DMRTA2: variants seen among roughly 807,000 people sequenced by gnomAD.
The protein encoded by DMRTA2 is DMRT like family A2, also known as doublesex- and mab-3-related transcription factor A2.
In DMRTA2, 10 loss-of-function variants were observed where a neutral mutation model predicts 29.7. The ratio of observed to expected loss-of-function variants is 0.34; its 90% CI spans 0.21 to 0.57. DMRTA2 has a LOEUF of 0.57. DMRTA2 is among the 20% of genes least tolerant of loss of function. The probability of loss-of-function intolerance (pLI) is 0.87; values close to 1 mark genes in which losing one functional copy is unlikely to be tolerated. For synonymous variants in DMRTA2, 469 were observed against 402.6 expected (o/e 1.16, Z -1.97); for missense variants, 783 against 812.1 (o/e 0.96, Z 0.44).
Position 50,419,594 on chromosome 1 carries a change from G to T in DMRTA2, c.700C>A (p.Arg234=). ...SGPGTSSPEV[R]PGSGSENGDG... ...CCGTTCTCCGAGCCTGAGCCGGGCC[G>T]CACCTCTGGGGACGACGTCCCGGGC... Residue 234 remains arginine (R), a synonymous_variant, in exon 3 of 3, where the codon CGG becomes AGG. Transcript: ENST00000404795. The surrounding 1 kb of genome is among the most constrained non-coding windows in gnomAD (Gnocchi z 6.1). 6.5e-7 allele frequency: 1 copy of T among 1,550,050 alleles called. No homozygotes were observed. The highest frequency in any genetic ancestry group is 8.7e-7 in the Non-Finnish European group (1 of 1,149,282).
chr1:50,418,865 T>C lies in DMRTA2; in HGVS notation c.1429A>G (p.Ser477Gly), dbSNP rs754709446. ...GGCGCCATGAAGGCCAGACCGCGGCTGTGCGCCGCCGCCGCGGAGTAGGCC... is the reference window on the plus strand; with the variant it reads ...GGCGCCATGAAGGCCAGACCGCGGCCGTGCGCCGCCGCCGCGGAGTAGGCC... ...RLAYSAAAAH[S>G]RGLAFMAPYS... The change falls in exon 3 of 3, where the codon AGC becomes GGC. Residue 477 changes from serine to glycine, a missense_variant. Ser to Gly is a moderately conservative substitution (Grantham distance 56). This residue lies in a region of DMRTA2 where 667 missense variants were observed against 624.8 expected (regional missense o/e 1.07). Transcript: ENST00000404795. The C allele has an allele frequency of 9.8e-6, 15 of 1,537,618 alleles. No individual in the cohort carries two copies. Among genetic ancestry groups the C allele is most frequent in the Admixed American group, 2.1e-5 (1 of 47,298 alleles).
rs764584063 is a variant in DMRTA2 at position 50,419,217 on chromosome 1, C to T, written c.1077G>A (p.Ala359=). The T allele has an allele frequency of 3.4e-6, 5 of 1,476,762 alleles. No individual in the cohort carries two copies. Among genetic ancestry groups the T allele is most frequent in the Non-Finnish European group, 4.5e-6 (5 of 1,122,128 alleles). 91.5% of individuals were successfully genotyped at this position (1,476,762 alleles called of 1,614,324 possible). ...GGGGCGCCGCAGGGCCCAGGCCGGC[C>T]GCCAGGCCCCCACGGTGGTGGTTCA... ...QVLNHHRGGL[A]AGLGPAAPPD... is the part of the protein sequence containing the mutation. The change falls in exon 3 of 3, where the codon GCG becomes GCA. Residue 359 remains alanine (A), a synonymous_variant. Coordinates refer to ENST00000404795, the MANE Select transcript of DMRTA2 (RefSeq NM_032110.3). This position sits in a 1 kb window ranked among gnomAD's most constrained non-coding sequence, Gnocchi z 6.1.
rs1255161869 is a variant in DMRTA2, at chr1:50,421,205, G to A, written c.332C>T (p.Ala111Val). 2.0e-6 allele frequency: 3 copies of A among 1,536,948 alleles called. No individual in the cohort carries two copies. The highest frequency in any genetic ancestry group is 2.6e-6 in the Non-Finnish European group (3 of 1,141,484). ...LIAERQRVMA[A>V]QVALRRQQAQ... ...CTGCTGCCTGCGCAGCGCCACCTGCGCCGCCATGACACGCTGGCGCTCCGC... is the reference window on the plus strand; with the variant it reads ...CTGCTGCCTGCGCAGCGCCACCTGCACCGCCATGACACGCTGGCGCTCCGC... The change falls in exon 2 of 3, where the codon GCG becomes GTG. Residue 111 changes from alanine (A) to valine (V), a missense_variant. Physicochemically the swap from Ala to Val is moderately conservative, Grantham distance 64 (BLOSUM62 0). This residue lies in a region of DMRTA2 where 76 missense variants were observed against 152.6 expected (regional missense o/e 0.50). Transcript: ENST00000404795. This position sits in a 1 kb window ranked among gnomAD's most constrained non-coding sequence, Gnocchi z 8.7.
rs1646040581 is a variant in DMRTA2 at position 50,421,744 on chromosome 1, A to G, written c.-8-200T>C. 5 of 462,256 alleles carry G rather than the reference A, an allele frequency of 1.1e-5. No individual in the cohort carries two copies. The highest frequency in any genetic ancestry group is 1.7e-5 in the Non-Finnish European group (5 of 295,820). The allele number at this position is 462,256 out of a possible 1,614,324, so 28.6% of individuals were successfully genotyped here. ...CTAGCACCTTCACCCCAGTCTGGCC[A>G]TGGCTGCTCTTAGACCTGATATACA... On this transcript the variant is annotated intron_variant, in intron 1 of 2. Transcript: ENST00000404795. This position sits in a 1 kb window ranked among gnomAD's most constrained non-coding sequence, Gnocchi z 8.7.
At position 50,419,124 on chromosome 1, in the gene DMRTA2, GGCGGCGTCGAC is replaced by G; in HGVS notation, c.1159_1169del (p.Val387ArgfsTer116). 5.0e-6 allele frequency: 6 copies of G among 1,199,606 alleles called. No individual in the cohort carries two copies. Among genetic ancestry groups the G allele is most frequent in the East Asian group, 3.6e-5 (1 of 28,056 alleles). 74.3% of individuals were successfully genotyped at this position (1,199,606 alleles called of 1,614,324 possible). ...CCCCGGCGGCGGCGGCGGCGGCGGC[GGCGGCGTCGAC>G]GCGGCTGGGCCACGCGTCGTCTGCA... is the stretch of plus-strand genomic sequence containing the variant. On this transcript the variant is annotated frameshift_variant, in exon 3 of 3. Coordinates refer to ENST00000404795, the MANE Select transcript of DMRTA2 (RefSeq NM_032110.3). LOFTEE classifies it high-confidence loss of function. This position sits in a 1 kb window ranked among gnomAD's most constrained non-coding sequence, Gnocchi z 6.1.
Position 50,419,373 on chromosome 1 carries a change from T to C in DMRTA2, c.921A>G (p.Gly307=). The C allele has an allele frequency of 6.3e-7, 1 of 1,596,748 alleles. No individual in the cohort carries two copies. The highest frequency in any genetic ancestry group is 1.1e-5 in the South Asian group (1 of 90,700). ...GCGTCCGCTGCCGTGGACCCGAGCC[T>C]CCGCCCAGCCCTGGCGCCGGCGCGG... ...GEAAPAPGLG[G]GSGPRQRTPL... is the part of the protein sequence containing the mutation. Residue 307 remains glycine, a synonymous_variant, in exon 3 of 3, where the codon GGA becomes GGG. Coordinates refer to ENST00000404795, the MANE Select transcript of DMRTA2 (RefSeq NM_032110.3). The surrounding 1 kb of genome is among the most constrained non-coding windows in gnomAD (Gnocchi z 6.1).
chr1:50,418,426 AGG>A lies in DMRTA2; in HGVS notation c.*237_*238del. ...GAGGCTGGAAGAGGGATCCGGAGGTAGGAGATGAGGACCCAGGCCGCGCACCC... is the reference window on the plus strand; with the variant it reads ...GAGGCTGGAAGAGGGATCCGGAGGTAAGATGAGGACCCAGGCCGCGCACCC... On this transcript the variant is annotated 3_prime_UTR_variant, in exon 3 of 3. Coordinates refer to ENST00000404795, the MANE Select transcript of DMRTA2 (RefSeq NM_032110.3). 1 of 370,306 alleles carries A rather than the reference AGG, an allele frequency of 2.7e-6. No individual in the cohort carries two copies. The highest frequency in any genetic ancestry group is 4.8e-6 in the Non-Finnish European group (1 of 208,706). 22.9% of individuals were successfully genotyped at this position (370,306 alleles called of 1,614,324 possible). A position where few individuals can be genotyped will look rare whatever the true frequency, so the allele number is the denominator to read the frequency against.
In DMRTA2 at chr1:50,418,766, G is replaced by A. The variant is rs1176603348; in HGVS notation, c.1528C>T (p.Arg510Cys). The A allele has an allele frequency of 6.9e-6, 11 of 1,583,438 alleles. No homozygotes were observed. The highest frequency in any genetic ancestry group is 9.4e-6 in the Non-Finnish European group (11 of 1,168,058). The stretch of plus-strand genomic sequence containing the variant: ...GCAGCAGCGGCGGCCGAGCGGTCAC[G>A]CATGAGATCGCTAAAGGCGTAGTCC... The part of the protein sequence containing the change: ...PMDYAFSDLM[R>C]DRSAAAAAAV... The change falls in exon 3 of 3, where the codon CGT becomes TGT. Residue 510 changes from arginine to cysteine, a missense_variant. Arg to Cys is a radical substitution (Grantham distance 180). Transcript: ENST00000404795.
chr1:50,421,126 C>G lies in DMRTA2; in HGVS notation c.411G>C (p.Glu137Asp). 1 of 1,528,620 alleles carries G rather than the reference C, an allele frequency of 6.5e-7. No homozygotes were observed. The highest frequency in any genetic ancestry group is 1.8e-4 in the Middle Eastern group (1 of 5,578). 94.7% of individuals were successfully genotyped at this position (1,528,620 alleles called of 1,614,324 possible). ...CGTTGGCGGCGGCCAGCGCCAGCCC[C>G]TCGGCAGTGCCGTAGAGCAGCTGCA... ...RELQLLYGTA[E>D]GLALAAANGI... Residue 137 changes from glutamate to aspartate, a missense_variant, in exon 2 of 3, where the codon GAG (glutamate) becomes GAC (aspartate). By Grantham distance (45) the Glu-to-Asp change is conservative. This residue lies in a region of DMRTA2 where 667 missense variants were observed against 624.8 expected (regional missense o/e 1.07). Coordinates refer to ENST00000404795, the MANE Select transcript of DMRTA2 (RefSeq NM_032110.3). This position sits in a 1 kb window ranked among gnomAD's most constrained non-coding sequence, Gnocchi z 8.7.
chr1:50,419,028 G>A lies in DMRTA2; in HGVS notation c.1266C>T (p.Gly422=). 18 of 1,388,486 alleles carry A rather than the reference G, an allele frequency of 1.3e-5. No homozygotes were observed. The highest frequency in any genetic ancestry group is 1.7e-5 in the Non-Finnish European group (18 of 1,077,196). 86.0% of individuals were successfully genotyped at this position (1,388,486 alleles called of 1,614,324 possible). A position where few individuals can be genotyped will look rare whatever the true frequency, so the allele number is the denominator to read the frequency against. The change falls in exon 3 of 3, where the codon GGC becomes GGT. Residue 422 remains glycine (G), a synonymous_variant. Coordinates refer to ENST00000404795, the MANE Select transcript of DMRTA2 (RefSeq NM_032110.3). This position sits in a 1 kb window ranked among gnomAD's most constrained non-coding sequence, Gnocchi z 6.1. ...APPHHRPLLA[G]AMAPGALGSL... is the part of the protein sequence containing the mutation. ...AGCCCAGCGCCCCAGGCGCCATGGC[G>A]CCGGCCAGCAAGGGTCTGTGGTGCG... is the stretch of plus-strand genomic sequence containing the variant.
rs1223851067 is a variant in DMRTA2, at chr1:50,421,522, C to T, written c.15G>A (p.Ser5=). ...CCGCGCCGGGCACGCTGGGCAGCTC[C>T]GAGCGCAGCTCCATGACAGGACCTG... MELR[S]ELPSVPGAAT... Residue 5 remains serine, a synonymous_variant, in exon 2 of 3, where the codon TCG becomes TCA. Coordinates refer to ENST00000404795, the MANE Select transcript of DMRTA2 (RefSeq NM_032110.3). This position sits in a 1 kb window ranked among gnomAD's most constrained non-coding sequence, Gnocchi z 8.7. 4.0e-6 allele frequency: 5 copies of T among 1,262,070 alleles called. No individual in the cohort carries two copies. The African/African-American group carries it at 6.2e-5, about 16-fold the overall frequency. 78.2% of individuals were successfully genotyped at this position (1,262,070 alleles called of 1,614,324 possible).
At position 50,418,696 on chromosome 1, in the gene DMRTA2, G is replaced by T; in HGVS notation, c.1598C>A (p.Pro533His). Residue 533 changes from proline to histidine, a missense_variant, in exon 3 of 3, where the codon CCT becomes CAT. Transcript: ENST00000404795. ...EPTYGGGLYG[P>H]MVNGAPEKQ Reference sequence around the variant, plus strand: ...CTTCTCCGGAGCGCCGTTGACCATAGGCCCGTACAGGCCGCCGCCGTAGGT... The same window carrying T: ...CTTCTCCGGAGCGCCGTTGACCATATGCCCGTACAGGCCGCCGCCGTAGGT... 6.8e-7 allele frequency: 1 copy of T among 1,481,342 alleles called. No individual in the cohort carries two copies. The highest frequency in any genetic ancestry group is 1.5e-5 in the African/African-American group (1 of 68,008). The allele number at this position is 1,481,342 out of a possible 1,614,324, so 91.8% of individuals were successfully genotyped here. A position where few individuals can be genotyped will look rare whatever the true frequency, so the allele number is the denominator to read the frequency against.
rs1646003482 is a variant in DMRTA2, at chr1:50,418,374, C to A, written c.*291G>T. 3 of 306,202 alleles carry A rather than the reference C, an allele frequency of 9.8e-6. No individual in the cohort carries two copies. The South Asian group carries it at 4.8e-4, about 49-fold the overall frequency. The allele number at this position is 306,202 out of a possible 1,614,324, so 19.0% of individuals were successfully genotyped here. ...CGCAGCCTCTGAATTCTCATGAATTCCCAGCCTTTTGGAAAGGGGGCCGGG... is the reference window on the plus strand; with the variant it reads ...CGCAGCCTCTGAATTCTCATGAATTACCAGCCTTTTGGAAAGGGGGCCGGG... On this transcript the variant is annotated 3_prime_UTR_variant, in exon 3 of 3. Transcript: ENST00000404795.
chr1:50,419,766 G>A lies in DMRTA2; in HGVS notation c.560-32C>T. On this transcript the variant is annotated intron_variant, in intron 2 of 2. Transcript: ENST00000404795. This position sits in a 1 kb window ranked among gnomAD's most constrained non-coding sequence, Gnocchi z 6.1. ...GGGGAGAAAACGTGTCGTGAGGAGC[G>A]GTTAGCTAGAAGACAGCAGTCACAG... The A allele has an allele frequency of 3.5e-6, 5 of 1,442,374 alleles. No individual in the cohort carries two copies. The highest frequency in any genetic ancestry group is 1.5e-5 in the South Asian group (1 of 65,690). 89.3% of individuals were successfully genotyped at this position (1,442,374 alleles called of 1,614,324 possible). A position where few individuals can be genotyped will look rare whatever the true frequency, so the allele number is the denominator to read the frequency against.
rs1572733865 is a variant in DMRTA2 at position 50,419,131 on chromosome 1, T to TCGACGC, written c.1157_1162dup (p.Val387_Asp388insGlyVal). 1.6e-5 allele frequency: 17 copies of TCGACGC among 1,057,756 alleles called. No homozygotes were observed. In the East Asian group the frequency reaches 1.0e-3, roughly 64 times the overall value. The allele number at this position is 1,057,756 out of a possible 1,614,324, so 65.5% of individuals were successfully genotyped here. On this transcript the variant is annotated inframe_insertion, in exon 3 of 3. Coordinates refer to ENST00000404795, the MANE Select transcript of DMRTA2 (RefSeq NM_032110.3). This position sits in a 1 kb window ranked among gnomAD's most constrained non-coding sequence, Gnocchi z 6.1. ...GGCGGCGGCGGCGGCGGCGGCGGCG[T>TCGACGC]CGACGCGGCTGGGCCACGCGTCGTC...
In DMRTA2 at chr1:50,422,425, G is replaced by T. The variant is rs1341555957; in HGVS notation, c.-9+691C>A. On this transcript the variant is annotated intron_variant, in intron 1 of 2. Transcript: ENST00000404795. The surrounding 1 kb of genome is among the most constrained non-coding windows in gnomAD (Gnocchi z 5.7). ...TCATGGGCAAGGAAAACAGTGAAAA[G>T]CAGCTGATCTGGGTGTCCGGGATCC... is the stretch of plus-strand genomic sequence containing the variant. 6.6e-6 allele frequency among the ~76,000 whole-genome samples: 1 copy of T among 152,206 alleles called. No individual in the cohort carries two copies. Among genetic ancestry groups the T allele is most frequent in the East Asian group, 1.9e-4 (1 of 5,196 alleles).
chr1:50,418,922 C>T lies in DMRTA2; in HGVS notation c.1372G>A (p.Gly458Ser). Residue 458 changes from glycine (G) to serine (S), a missense_variant, in exon 3 of 3, where the codon GGC becomes AGC. Coordinates refer to ENST00000404795, the MANE Select transcript of DMRTA2 (RefSeq NM_032110.3). The stretch of plus-strand genomic sequence containing the variant: ...AGGGGGCTGAGGCCGAGCGGCGCGC[C>T]CAGCGGGTAGGCGCCCGCGTCGGCA... ...FGADAGAYPL[G>S]APLGLSPLRL... is the part of the protein sequence containing the mutation. The T allele has an allele frequency of 2.1e-6, 3 of 1,437,404 alleles. No homozygotes were observed. Among genetic ancestry groups the T allele is most frequent in the Non-Finnish European group, 2.7e-6 (3 of 1,101,514 alleles). 89.0% of individuals were successfully genotyped at this position (1,437,404 alleles called of 1,614,324 possible).
rs961274759 is a variant in DMRTA2, at chr1:50,420,385, C to T, written c.559+593G>A. ...TCCAGAAAAAGAGGGTGGTGCTAGG[C>T]AGGCAGTAGGAAGCGAAGAGGAAAA... is the stretch of plus-strand genomic sequence containing the variant. On this transcript the variant is annotated intron_variant, in intron 2 of 2. Transcript: ENST00000404795. This position sits in a 1 kb window ranked among gnomAD's most constrained non-coding sequence, Gnocchi z 4.1. Among the ~76,000 whole-genome samples the T allele has an allele frequency of 4.6e-5, 7 of 152,086 alleles. No homozygotes were observed. Among genetic ancestry groups the T allele is most frequent in the African/African-American group, 1.7e-4 (7 of 41,410 alleles).
Position 50,418,547 on chromosome 1 carries a change from A to T in DMRTA2, c.*118T>A. The T allele has an allele frequency of 1.2e-6, 1 of 865,884 alleles. No homozygotes were observed. The highest frequency in any genetic ancestry group is 1.6e-6 in the Non-Finnish European group (1 of 636,182). The allele number at this position is 865,884 out of a possible 1,614,324, so 53.6% of individuals were successfully genotyped here. On this transcript the variant is annotated 3_prime_UTR_variant, in exon 3 of 3. Transcript: ENST00000404795. ...AAACAAAACCCAAAAACCACCTTAG[A>T]GTGAGAAGACGCCCAGCCAGGGCGC...
Sources: allele counts gnomAD v4.1 joint callset (sites outside exome capture counted in the v4.1 genomes callset), GRCh38; gene constraint gnomAD v4.1.1; regional missense constraint gnomAD v4.1.1; non-coding constraint Gnocchi (gnomAD v3.1); transcripts MANE v1.5; gene names NCBI Gene and HGNC (gene_info 2026-07-23, HGNC 2026-07-21).